AGA: variants seen among roughly 807,000 people sequenced by gnomAD.
AGA encodes aspartylglucosaminidase.
A neutral mutation model predicts 40.1 loss-of-function variants in AGA; 31 were observed. That is an observed-to-expected ratio of 0.77 (90% CI 0.58 to 1.04). The LOEUF is 1.04. AGA is among the 50% of genes least tolerant of loss of function. AGA has a pLI of 0.00. For synonymous variants in AGA, 148 were observed against 144.0 expected (o/e 1.03, Z -0.20); for missense variants, 445 against 435.4 (o/e 1.02, Z -0.20).
intron 8 of AGA, among the ~76,000 whole-genome samples, chr4:177,432,476 A>G (rs1736662887): frequency 6.6e-6 from 1 of 152,198 alleles, no homozygotes; most frequent in African/African-American, 2.4e-5. Flanking sequence ...TTTCCCCTTC[A>G]TAATTTTTAT....
At chr4:177,439,368 C>T (rs533594988) in intron 3 of AGA, among the ~76,000 whole-genome samples, 55 of 152,078 alleles carry the variant, frequency 3.6e-4, no homozygotes, top group Non-Finnish European at 5.0e-4. Flanking sequence ...GTGACAAGAG[C>T]GAAACTCCGT....
At chr4:177,433,461 C>T in intron 7 of AGA, 114 bp from the exon 8 acceptor site, 3 of 1,190,330 alleles carry the variant, frequency 2.5e-6, no homozygotes, top group Admixed American at 1.8e-5. Context: ...ATAGAATACA[C>T]ATAAATGAAC....
At chr4:177,435,816 ACCC>A (rs999279710) in intron 6 of AGA, among the ~76,000 whole-genome samples, 1 of 141,200 alleles carries the variant, frequency 7.1e-6, no homozygotes, top group Non-Finnish European at 1.5e-5. Context: ...ACACACACAC[ACCC>A]CTTCTTTCCA....
intron 7 of AGA, 30 bp from the exon 8 acceptor site, chr4:177,433,377 T>C: frequency 6.2e-7 from 1 of 1,613,726 alleles, no homozygotes; most frequent in Non-Finnish European, 8.5e-7. Flanking sequence ...AACCTTAGTG[T>C]CTCAGAATAA....
chr4:177,439,565 TA>T lies in AGA; in HGVS notation c.394+10del. On this transcript the variant is annotated intron_variant, in intron 3 of 8. Transcript: ENST00000264595. ...AGACTAGAAAAAATTTCAGTGTAGT[TA>T]AAAAAATACCTGACTCTCCTACTAA... The T allele has an allele frequency of 6.3e-7, 1 of 1,597,114 alleles. No individual in the cohort carries two copies. Among genetic ancestry groups the T allele is most frequent in the Non-Finnish European group, 8.6e-7 (1 of 1,164,554 alleles).
intron 1 of AGA, 143 bp downstream of exon 1, chr4:177,442,106 G>A (rs1180665170): frequency 5.7e-6 from 7 of 1,228,014 alleles, no homozygotes; most frequent in African/African-American, 1.5e-5. Context: ...GACTCGGGAA[G>A]ACCTAGAGGG....
At chr4:177,436,786 C>T in intron 5 of AGA, among the ~76,000 whole-genome samples, 1 of 152,136 alleles carries the variant, frequency 6.6e-6, no homozygotes, top group East Asian at 1.9e-4. Context: ...GCCACTATAA[C>T]AGGCAATTAA....
chr4:177,437,092 T>A, intron 5 of AGA: 1 of 340,950 alleles, frequency 2.9e-6, no homozygotes, highest in Non-Finnish European at 5.5e-6. Context: ...TAATGTAAAT[T>A]TTCAACATTG....
rs1736616793 is a variant in AGA at position 177,431,103 on chromosome 4, A to G, written c.*605T>C. 1 of 449,880 alleles carries G rather than the reference A, an allele frequency of 2.2e-6. No homozygotes were observed. Among genetic ancestry groups the G allele is most frequent in the South Asian group, 1.6e-5 (1 of 63,614 alleles). The allele number at this position is 449,880 out of a possible 1,614,324, so 27.9% of individuals were successfully genotyped here. On this transcript the variant is annotated 3_prime_UTR_variant, in exon 9 of 9. Transcript: ENST00000264595. ...ACTTTCACACACTGAGAGCTCCATA[A>G]GAGGAAAAAAGCAAAGAAAATCAAC...
In AGA at chr4:177,439,111, G is replaced by A. The variant is rs34413069; in HGVS notation, c.395-254C>T. The stretch of plus-strand genomic sequence containing the variant: ...AAGAGTTCTCGTCCCGGCCAGGCGC[G>A]GTGGCTCACACCTGTAATCCCAGCA... On this transcript the variant is annotated intron_variant, in intron 3 of 8. Transcript: ENST00000264595. Among the ~76,000 whole-genome samples the A allele has an allele frequency of 0.028, 4,198 of 152,210 alleles. 77 individuals are homozygous for A. Among genetic ancestry groups the A allele is most frequent in the Middle Eastern group, 0.071 (21 of 294 alleles).
Position 177,431,671 on chromosome 4 carries a change from T to C in AGA, c.*37A>G. ...AGCAGCCTTTTCAGCCTTTGTTTCT[T>C]TCTTCTTTAAATACAGATGTTGACA... On this transcript the variant is annotated 3_prime_UTR_variant, in exon 9 of 9. Coordinates refer to ENST00000264595, the MANE Select transcript of AGA (RefSeq NM_000027.4). 1 of 1,545,432 alleles carries C rather than the reference T, an allele frequency of 6.5e-7. No homozygotes were observed. The highest frequency in any genetic ancestry group is 2.2e-5 in the East Asian group (1 of 44,472).
chr4:177,438,583 T>C (rs1183060555), intron 4 of AGA, among the ~76,000 whole-genome samples, 162 bp downstream of exon 4: 4 of 152,188 alleles, frequency 2.6e-5, no homozygotes, highest in Non-Finnish European at 4.4e-5. Context: ...TAGAGGTGTT[T>C]CAGGAACATC....
Position 177,439,557 on chromosome 4 carries a change from A to C in AGA, c.394+19T>G. The C allele has an allele frequency of 6.5e-7, 1 of 1,550,206 alleles. No individual in the cohort carries two copies. On this transcript the variant is annotated intron_variant, in intron 3 of 8. Coordinates refer to ENST00000264595, the MANE Select transcript of AGA (RefSeq NM_000027.4). ...TAGTCAAAAGACTAGAAAAAATTTC[A>C]GTGTAGTTAAAAAAATACCTGACTC...
intron 1 of AGA, 151 bp from the exon 2 acceptor site, chr4:177,440,577 G>A (rs75639723): frequency 7.1e-6 from 6 of 845,188 alleles, no homozygotes; most frequent in African/African-American, 1.7e-5. Flanking sequence ...TTACAAAGGA[G>A]TCAGTGAAGA....
At chr4:177,432,615 TC>T (rs1736667125) in intron 8 of AGA, among the ~76,000 whole-genome samples, 1 of 152,182 alleles carries the variant, frequency 6.6e-6, no homozygotes, top group South Asian at 2.1e-4. Context: ...GTCATATTGA[TC>T]AGTAAGCTGT....
Position 177,442,347 on chromosome 4 carries a change from A to G in AGA, c.29T>C (p.Leu10Pro). 6.2e-7 allele frequency: 1 copy of G among 1,614,108 alleles called. No individual in the cohort carries two copies. Among genetic ancestry groups the G allele is most frequent in the Non-Finnish European group, 8.5e-7 (1 of 1,179,950 alleles). Residue 10 changes from leucine (L) to proline (P), a missense_variant, in exon 1 of 9, where the codon CTT (leucine) becomes CCT (proline). Coordinates refer to ENST00000264595, the MANE Select transcript of AGA (RefSeq NM_000027.4). ...CTGGCAGAGCAGAAACGGCACGAGA[A>G]GCACAGGCAAGTTCGACTTCCGCGC... MARKSNLPV[L>P]LVPFLLCQAL... is the part of the protein sequence containing the mutation.
At chr4:177,436,028 A>G (rs1736804165) in intron 6 of AGA, among the ~76,000 whole-genome samples, 1 of 152,174 alleles carries the variant, frequency 6.6e-6, no homozygotes, top group African/African-American at 2.4e-5. Flanking sequence ...CTGAGCTCCA[A>G]GCATCACTTT....
In AGA at chr4:177,431,775, T is replaced by C. The variant is rs2111004642; in HGVS notation, c.974A>G (p.Gln325Arg). 6.2e-7 allele frequency: 1 copy of C among 1,613,902 alleles called. No homozygotes were observed. The highest frequency in any genetic ancestry group is 2.2e-5 in the East Asian group (1 of 44,846). ...AACNKLSTFT[Q>R]FSFMVYNSEK... ...GGAATTATAAACCATGAAACTAAAC[T>C]GAGTAAATGTTGAAAGTTTATTGCA... The change falls in exon 9 of 9, where the codon CAG becomes CGG. Residue 325 changes from glutamine to arginine, a missense_variant. By Grantham distance (43) the Gln-to-Arg change is conservative. Coordinates refer to ENST00000264595, the MANE Select transcript of AGA (RefSeq NM_000027.4).
intron 1 of AGA, among the ~76,000 whole-genome samples, chr4:177,441,702 G>T (rs998985633): frequency 6.6e-6 from 1 of 152,176 alleles, no homozygotes; most frequent in Admixed American, 6.5e-5. Context: ...GCCCCGGCAG[G>T]ATGATTTTTG....
Sources: gnomAD v4.1 joint callset for allele counts (sites outside exome capture counted in the v4.1 genomes callset) on GRCh38, gnomAD v4.1.1 for gene constraint, MANE v1.5 for transcripts, NCBI Gene and HGNC (gene_info 2026-07-23, HGNC 2026-07-21) for gene names.